Variants in KIR2DL3 observed in about 807,000 individuals in gnomAD.
The protein encoded by KIR2DL3 is killer cell immunoglobulin-like receptor 2DL3.
Under a neutral mutation model 33.8 loss-of-function variants are expected in KIR2DL3, and 39 were observed. The ratio of observed to expected loss-of-function variants is 1.15; its 90% CI spans 0.89 to 1.51. KIR2DL3 has a LOEUF of 1.51. Among genes scored for constraint, KIR2DL3 ranks in the 40% most tolerant of loss-of-function variants. KIR2DL3 has a pLI of 0.00. For synonymous variants in KIR2DL3, 174 were observed against 160.2 expected, an observed-to-expected ratio of 1.09 and a Z score of -0.65; for missense variants, 462 against 426.2, an observed-to-expected ratio of 1.08 and a Z score of -0.74.
At chr19:54,740,327 A>T (rs1462297561) in intron 2 of KIR2DL3, among the ~76,000 whole-genome samples, 1 of 151,854 alleles carries the variant, frequency 6.6e-6, no homozygotes, top group Admixed American at 6.6e-5. Flanking sequence ...CCTCTAGGAC[A>T]TGTCATTCTT....
Position 54,738,896 on chromosome 19 carries a change from G to A in KIR2DL3, c.34+317G>A, listed in dbSNP as rs1191417805. The stretch of plus-strand genomic sequence containing the variant: ...AGTGGAGATATGGGCCTGGAGTGGA[G>A]ATATGGGCCTGGAGTGGAGATATGG... On this transcript the variant is annotated intron_variant, in intron 1 of 7. Transcript: ENST00000342376. 6.2e-5 allele frequency among the ~76,000 whole-genome samples: 9 copies of A among 146,236 alleles called. 1 individual carries two copies. The highest frequency in any genetic ancestry group is 3.5e-3 in the Middle Eastern group (1 of 282).
intron 5 of KIR2DL3, among the ~76,000 whole-genome samples, chr19:54,750,658 A>C (rs561964377): frequency 2.9e-5 from 4 of 137,116 alleles, no homozygotes; most frequent in Non-Finnish European, 6.4e-5. Context: ...CCTGGACTGC[A>C]CCTGGGCTTA....
At position 54,742,122 on chromosome 19, in the gene KIR2DL3, C is replaced by T. The variant is rs772702128; in HGVS notation, c.213C>T (p.His71=). The part of the protein sequence containing the change: ...HREGKFKDTL[H]LIGEHHDGVS... The stretch of plus-strand genomic sequence containing the variant: ...AAGGGAAGTTTAAGGACACTTTGCA[C>T]CTCATTGGAGAGCACCATGATGGGG... The change falls in exon 3 of 8, where the codon CAC becomes CAT. Residue 71 remains histidine, a synonymous_variant. Coordinates refer to ENST00000342376, the MANE Select transcript of KIR2DL3 (RefSeq NM_015868.3). 16 of 1,613,914 alleles carry T rather than the reference C, an allele frequency of 9.9e-6. No homozygotes were observed. The highest frequency in any genetic ancestry group is 1.3e-5 in the African/African-American group (1 of 74,834).
chr19:54,742,665 G>T (rs866346927), intron 3 of KIR2DL3, among the ~76,000 whole-genome samples: 33 of 150,504 alleles, frequency 2.2e-4, no homozygotes, highest in South Asian at 1.9e-3. Context: ...CCATATTTAT[G>T]ACCTGAGTTG....
chr19:54,752,421 G>C lies in KIR2DL3; in HGVS notation c.928G>C (p.Val310Leu). Residue 310 changes from valine (V) to leucine (L), a missense_variant, in exon 8 of 8, where the codon GTT becomes CTT. Val to Leu is a conservative substitution (Grantham distance 32). Coordinates refer to ENST00000342376, the MANE Select transcript of KIR2DL3 (RefSeq NM_015868.3). ...EVTYAQLNHC[V>L]FTQRKITRPS... is the part of the protein sequence containing the mutation. ...GACATATGCACAGTTGAATCACTGC[G>C]TTTTCACACAGAGAAAAATCACTCG... is the stretch of plus-strand genomic sequence containing the variant. The C allele has an allele frequency of 6.8e-7, 1 of 1,467,674 alleles. No individual in the cohort carries two copies. The allele number at this position is 1,467,674 out of a possible 1,614,324, so 90.9% of individuals were successfully genotyped here.
Position 54,743,860 on chromosome 19 carries a change from A to G in KIR2DL3, c.436A>G (p.Thr146Ala). The change falls in exon 4 of 8, where the codon ACC (threonine) becomes GCC (alanine). Residue 146 changes from threonine to alanine, a missense_variant. Transcript: ENST00000342376. The part of the protein sequence containing the change: ...GPTVLAGESV[T>A]LSCSSRSSYD... ...CACGGTTCTGGCAGGAGAGAGCGTGACCTTGTCCTGCAGCTCCCGGAGCTC... is the reference window on the plus strand; with the variant it reads ...CACGGTTCTGGCAGGAGAGAGCGTGGCCTTGTCCTGCAGCTCCCGGAGCTC... 1.2e-6 allele frequency: 2 copies of G among 1,613,704 alleles called. No homozygotes were observed. The highest frequency in any genetic ancestry group is 1.7e-6 in the Non-Finnish European group (2 of 1,179,790).
intron 2 of KIR2DL3, among the ~76,000 whole-genome samples, chr19:54,740,704 A>G (rs1481285478): frequency 2.0e-5 from 3 of 151,920 alleles, no homozygotes; most frequent in Non-Finnish European, 2.9e-5. Context: ...TGTGGTGGGA[A>G]GAATAATTGT....
intron 5 of KIR2DL3, among the ~76,000 whole-genome samples, chr19:54,750,069 A>C (rs147870149): frequency 0.015 from 1,734 of 115,564 alleles, 295 homozygotes; most frequent in African/African-American, 0.042. Context: ...TTTCTGTGAG[A>C]ATGAGATCAC....
Position 54,746,468 on chromosome 19 carries a change from A to C in KIR2DL3, c.665-867A>C, listed in dbSNP as rs1366018654. 1.4e-4 allele frequency among the ~76,000 whole-genome samples: 21 copies of C among 148,252 alleles called. No homozygotes were observed. The South Asian group carries it at 4.7e-3, about 33-fold the overall frequency. ...GGTTTAAAACAAAATGTCTTCCTTC[A>C]GACAAATGTCCTGGAGCATTTCCCC... On this transcript the variant is annotated intron_variant, in intron 4 of 7. Transcript: ENST00000342376.
At chr19:54,744,938 ATATATATATATATATATTTTTTTTTTTTT>A (rs2072138107) in intron 4 of KIR2DL3, among the ~76,000 whole-genome samples, 2 of 22,148 alleles carry the variant, frequency 9.0e-5, no homozygotes, top group African/African-American at 3.2e-4. Flanking sequence ...ATATATATAT[ATATATATATATATATATTTTTTTTTTTTT>A]TTTTTTTTTT....
At chr19:54,748,161 C>T (rs868828863) in intron 5 of KIR2DL3, among the ~76,000 whole-genome samples, 1 of 150,506 alleles carries the variant, frequency 6.6e-6, no homozygotes, top group Non-Finnish European at 1.5e-5. Context: ...CCTCAAAGCC[C>T]ACAAAGACTG....
chr19:54,750,581 A>T lies in KIR2DL3; in HGVS notation c.716-1068A>T, dbSNP rs1236350220. 1.5e-5 allele frequency among the ~76,000 whole-genome samples: 2 copies of T among 136,130 alleles called. 1 individual carries two copies. The highest frequency in any genetic ancestry group is 3.2e-5 in the Non-Finnish European group (2 of 61,914). 89.3% of individuals were successfully genotyped at this position (136,130 alleles called of 152,430 possible). On this transcript the variant is annotated intron_variant, in intron 5 of 7. Transcript: ENST00000342376. ...GATTCAAGAATGCTGTGGATGTAGA[A>T]ATCCTAAAGCACATTCGCTGTGTAT...
chr19:54,751,606 A>G, intron 5 of KIR2DL3, 43 bp from the exon 6 acceptor site: 1 of 1,310,652 alleles, frequency 7.6e-7, no homozygotes, highest in South Asian at 1.3e-5. Context: ...ATAAAGAGGA[A>G]CTGCTATGAT....
chr19:54,750,656 G>T (rs547967204), intron 5 of KIR2DL3, among the ~76,000 whole-genome samples: 1 of 137,186 alleles, frequency 7.3e-6, no homozygotes, highest in African/African-American at 2.7e-5. Context: ...CTCCTGGACT[G>T]CACCTGGGCT....
At position 54,742,242 on chromosome 19, in the gene KIR2DL3, G is replaced by T. The variant is rs2071304559; in HGVS notation, c.333G>T (p.Leu111Phe). 1.2e-6 allele frequency: 2 copies of T among 1,614,122 alleles called. No individual in the cohort carries two copies. The highest frequency in any genetic ancestry group is 1.1e-5 in the South Asian group (1 of 91,070). ...YGSVTHSPYQ[L>F]SAPSDPLDIV... The stretch of plus-strand genomic sequence containing the variant: ...CTGTTACTCACTCCCCCTATCAGTT[G>T]TCAGCTCCCAGTGACCCTCTGGACA... The change falls in exon 3 of 8, where the codon TTG (leucine) becomes TTT (phenylalanine). Residue 111 changes from leucine to phenylalanine, a missense_variant. Physicochemically the swap from Leu to Phe is conservative, Grantham distance 22. Transcript: ENST00000342376.
chr19:54,741,273 G>T (rs2071039863), intron 2 of KIR2DL3, among the ~76,000 whole-genome samples: 1 of 151,378 alleles, frequency 6.6e-6, no homozygotes, highest in African/African-American at 2.4e-5. Context: ...CCAGGAGACA[G>T]AGGTTGCAGT....
Position 54,739,532 on chromosome 19 carries a change from G to C in KIR2DL3, c.60G>C (p.Trp20Cys). ...CVGFFLLQGAWPHEGVHRKPS... is the reference protein window; with the variant it reads ...CVGFFLLQGACPHEGVHRKPS... ...GGTTCTTCTTGCTGCAGGGGGCCTG[G>C]CCACATGAGGGTGAGTCCTTCTCCA... The change falls in exon 2 of 8, where the codon TGG (tryptophan) becomes TGC (cysteine). Residue 20 changes from tryptophan to cysteine, a missense_variant. Physicochemically the swap from Trp to Cys is radical, Grantham distance 215 (BLOSUM62 -2). Transcript: ENST00000342376. 6.2e-7 allele frequency: 1 copy of C among 1,614,062 alleles called. No homozygotes were observed. The highest frequency in any genetic ancestry group is 2.2e-5 in the East Asian group (1 of 44,884).
chr19:54,741,697 C>G (rs1284837124), intron 2 of KIR2DL3, among the ~76,000 whole-genome samples: 1 of 151,608 alleles, frequency 6.6e-6, no homozygotes, highest in Non-Finnish European at 1.5e-5. Flanking sequence ...CCCACATAAA[C>G]AGCAGGAAAT....
At chr19:54,740,544 G>T (rs547450356) in intron 2 of KIR2DL3, among the ~76,000 whole-genome samples, 3 of 151,558 alleles carry the variant, frequency 2.0e-5, no homozygotes, top group African/African-American at 7.3e-5. Flanking sequence ...TGGTGATCGT[G>T]GTCATAGGTC....
Sources: allele counts gnomAD v4.1 joint callset (sites outside exome capture counted in the v4.1 genomes callset), GRCh38; gene constraint gnomAD v4.1.1; transcripts MANE v1.5; gene names NCBI Gene and HGNC (gene_info 2026-07-23, HGNC 2026-07-21).